GRID2: variants seen among roughly 807,000 people sequenced by gnomAD.
GRID2 encodes glutamate receptor ionotropic, delta-2.
Under a neutral mutation model 114.8 loss-of-function variants are expected in GRID2, and 33 were observed. The observed-to-expected ratio is 0.29, with a 90% CI of 0.22 to 0.38. The LOEUF (loss-of-function observed/expected upper bound fraction) is 0.38. GRID2 is among the 10% of genes least tolerant of loss of function. GRID2 has a pLI of 1.00. For synonymous variants in GRID2, 505 were observed against 449.9 expected, an observed-to-expected ratio of 1.12 and a Z score of -1.55; for missense variants, 1,184 against 1,257.7, an observed-to-expected ratio of 0.94 and a Z score of 0.89.
chr4:92,483,123 A>G (rs1722697810), intron 1 of GRID2, among the ~76,000 whole-genome samples: 1 of 152,104 alleles, frequency 6.6e-6, no homozygotes. Flanking sequence ...GCGGATCACA[A>G]GGTCAGGAGT....
chr4:92,539,441 T>C (rs1476639491), intron 1 of GRID2, among the ~76,000 whole-genome samples: 1 of 152,270 alleles, frequency 6.6e-6, no homozygotes, highest in Non-Finnish European at 1.5e-5. Flanking sequence ...ATTTTTCTTA[T>C]AATATTAATC....
At chr4:92,383,370 A>G (rs1729711327) in intron 1 of GRID2, among the ~76,000 whole-genome samples, 1 of 152,066 alleles carries the variant, frequency 6.6e-6, no homozygotes, top group Non-Finnish European at 1.5e-5. Flanking sequence ...ATTCCTTTGT[A>G]AATCTAAACC....
At chr4:93,384,523 A>C (rs1035662013) in intron 8 of GRID2, among the ~76,000 whole-genome samples, 1 of 152,170 alleles carries the variant, frequency 6.6e-6, no homozygotes, top group Non-Finnish European at 1.5e-5. Flanking sequence ...TTGTCATTAA[A>C]AATTTTTTCC....
intron 2 of GRID2, among the ~76,000 whole-genome samples, chr4:92,847,587 TCTA>T (rs895280460): frequency 2.0e-4 from 30 of 152,218 alleles, no homozygotes; most frequent in African/African-American, 6.7e-4. Flanking sequence ...AGAGATGTCT[TCTA>T]CTTCAGATCT....
intron 2 of GRID2, among the ~76,000 whole-genome samples, chr4:92,955,955 G>T (rs145886364): frequency 6.6e-6 from 1 of 152,036 alleles, no homozygotes; most frequent in East Asian, 1.9e-4. Context: ...TCCTGACCTC[G>T]TGATCTGCCC....
At chr4:93,743,454 G>T (rs776381848) in intron 14 of GRID2, among the ~76,000 whole-genome samples, 2 of 152,160 alleles carry the variant, frequency 1.3e-5, no homozygotes, top group Non-Finnish European at 2.9e-5. Context: ...TTGCTATAAA[G>T]AAATACCTGA....
chr4:93,566,480 T>C (rs1303489629), intron 13 of GRID2, among the ~76,000 whole-genome samples: 2 of 152,148 alleles, frequency 1.3e-5, no homozygotes, highest in Non-Finnish European at 2.9e-5. Flanking sequence ...ACTCATCAAG[T>C]TGAGGCTGGG....
intron 2 of GRID2, among the ~76,000 whole-genome samples, chr4:92,932,473 GA>G (rs1307718237): frequency 2.6e-5 from 4 of 151,254 alleles, no homozygotes; most frequent in Non-Finnish European, 5.9e-5. Context: ...TTTGTGGTAG[GA>G]AAAATGTATG....
rs544829041 is a variant in GRID2, at chr4:92,499,008, A to C, written c.89-91123A>C. Among the ~76,000 whole-genome samples, 4 of 151,578 alleles carry C rather than the reference A, an allele frequency of 2.6e-5. No individual in the cohort carries two copies. In the East Asian group the frequency reaches 7.7e-4, roughly 29 times the overall value. ...TTGTGACCTGAATAAAAAGAAAATT[A>C]GATTTCTTAAAATCAAATCTAGGGA... On this transcript the variant is annotated intron_variant, in intron 1 of 15. Transcript: ENST00000282020.
At chr4:92,370,589 AAAAG>A (rs749372979) in intron 1 of GRID2, among the ~76,000 whole-genome samples, 14 of 152,092 alleles carry the variant, frequency 9.2e-5, no homozygotes, top group Admixed American at 4.6e-4. Flanking sequence ...CATCTCAACA[AAAAG>A]AAAGAAAAGA....
chr4:93,788,242 C>T (rs920721424), intron 1 of GRID2, among the ~76,000 whole-genome samples: 2 of 150,850 alleles, frequency 1.3e-5, no homozygotes, highest in Middle Eastern at 3.4e-3. Context: ...AGCTTGAACC[C>T]GGGAGGCGGA....
intron 6 of GRID2, among the ~76,000 whole-genome samples, chr4:93,222,275 G>C (rs1461814107): frequency 6.6e-6 from 1 of 151,998 alleles, no homozygotes; most frequent in Non-Finnish European, 1.5e-5. Context: ...CGTATGCACT[G>C]TGTGTTCCGG....
At chr4:92,933,123 G>T (rs1211328392) in intron 2 of GRID2, among the ~76,000 whole-genome samples, 1 of 150,476 alleles carries the variant, frequency 6.6e-6, no homozygotes, top group African/African-American at 2.4e-5. Flanking sequence ...TATAGAAAAT[G>T]TGGACAATAT....
At chr4:93,250,318 G>A (rs936773910) in intron 8 of GRID2, among the ~76,000 whole-genome samples, 5 of 151,950 alleles carry the variant, frequency 3.3e-5, no homozygotes, top group Admixed American at 6.6e-5. Flanking sequence ...ACACAGGGAG[G>A]GGAACATCAC....
chr4:92,920,850 A>G (rs1348473192), intron 2 of GRID2, among the ~76,000 whole-genome samples: 1 of 151,886 alleles, frequency 6.6e-6, no homozygotes, highest in Non-Finnish European at 1.5e-5. Flanking sequence ...CTCAAGGATT[A>G]TCTTTGTGGT....
intron 1 of GRID2, among the ~76,000 whole-genome samples, chr4:92,523,856 G>C (rs1724903496): frequency 6.6e-6 from 1 of 151,968 alleles, no homozygotes; most frequent in South Asian, 2.1e-4. Context: ...GGATAAGGTG[G>C]AACTGTAGCT....
At chr4:92,928,253 G>A (rs1036000480) in intron 2 of GRID2, among the ~76,000 whole-genome samples, 1 of 151,656 alleles carries the variant, frequency 6.6e-6, no homozygotes, top group African/African-American at 2.4e-5. Flanking sequence ...ACTGAAAATG[G>A]AAACTTATTT....
At chr4:92,559,100 TAAAAG>T (rs1425810122) in intron 1 of GRID2, among the ~76,000 whole-genome samples, 1 of 152,196 alleles carries the variant, frequency 6.6e-6, no homozygotes, top group African/African-American at 2.4e-5. Flanking sequence ...GCCTATAACT[TAAAAG>T]TAAATTATTC....
intron 13 of GRID2, among the ~76,000 whole-genome samples, chr4:93,518,294 A>G (rs372751597): frequency 6.8e-4 from 104 of 151,984 alleles, no homozygotes; most frequent in African/African-American, 2.4e-3. Context: ...GGCTTGTACC[A>G]AAGAAATCTG....
Sources: gnomAD v4.1 joint callset for allele counts (sites outside exome capture counted in the v4.1 genomes callset) on GRCh38, gnomAD v4.1.1 for gene constraint, MANE v1.5 for transcripts, NCBI Gene and HGNC (gene_info 2026-07-23, HGNC 2026-07-21) for gene names.